CNTNAP2: variants seen among roughly 807,000 people sequenced by gnomAD.
The protein encoded by CNTNAP2 is contactin associated protein 2, also known as contactin-associated protein-like 2.
Under a neutral mutation model 155.2 loss-of-function variants are expected in CNTNAP2, and 98 were observed. That is an observed-to-expected ratio of 0.63 (90% CI 0.54 to 0.75). The LOEUF (loss-of-function observed/expected upper bound fraction) is 0.75, where lower values mean the gene tolerates loss of function less well. CNTNAP2 is among the 30% of genes least tolerant of loss of function. The probability of loss-of-function intolerance (pLI) is 0.00; values close to 1 mark genes in which losing one functional copy is unlikely to be tolerated. For missense variants in CNTNAP2, 1,727 were observed against 1,688.1 expected (o/e 1.02, Z -0.40); for synonymous variants, 651 against 631.2 (o/e 1.03, Z -0.47).
At chr7:147,418,280 C>G (rs576683632) in intron 10 of CNTNAP2, among the ~76,000 whole-genome samples, 2 of 152,246 alleles carry the variant, frequency 1.3e-5, no homozygotes, top group East Asian at 3.9e-4. Context: ...TTTTACTGAG[C>G]AGGTGGTTCC....
intron 1 of CNTNAP2, among the ~76,000 whole-genome samples, chr7:146,613,474 A>C (rs1382862511): frequency 6.6e-6 from 1 of 152,240 alleles, no homozygotes. Flanking sequence ...AATTCAATTA[A>C]CATGTGTTCT....
chr7:147,943,935 A>T (rs774950401), intron 14 of CNTNAP2, among the ~76,000 whole-genome samples: 1 of 152,168 alleles, frequency 6.6e-6, no homozygotes, highest in African/African-American at 2.4e-5. Flanking sequence ...CAGCAGTTCA[A>T]TAAGTGGAAG....
At chr7:146,721,391 CTATATACATTCTATATATATTCTA>C (rs1563203511) in intron 1 of CNTNAP2, among the ~76,000 whole-genome samples, 69 of 118,740 alleles carry the variant, frequency 5.8e-4, no homozygotes, top group East Asian at 1.2e-3. Flanking sequence ...TATATACATT[CTATATACATTCTATATATATTCTA>C]TATATACATT....
intron 1 of CNTNAP2, among the ~76,000 whole-genome samples, chr7:146,355,084 A>G (rs1332536385): frequency 6.6e-6 from 1 of 152,148 alleles, no homozygotes; most frequent in African/African-American, 2.4e-5. Flanking sequence ...TAAGGTAAAA[A>G]TGGGTTTGTA....
At chr7:147,543,708 T>C (rs569497893) in intron 11 of CNTNAP2, among the ~76,000 whole-genome samples, 1 of 152,316 alleles carries the variant, frequency 6.6e-6, no homozygotes, top group African/African-American at 2.4e-5. Context: ...ATTGACAGAA[T>C]TTATATGAAG....
intron 21 of CNTNAP2, among the ~76,000 whole-genome samples, chr7:148,343,706 C>A (rs771526798): frequency 6.6e-6 from 1 of 152,028 alleles, no homozygotes; most frequent in African/African-American, 2.4e-5. Context: ...AAGTAGTTTC[C>A]AAGAAAAGCG....
intron 17 of CNTNAP2, among the ~76,000 whole-genome samples, chr7:148,163,525 A>G (rs1156824168): frequency 6.6e-6 from 1 of 152,126 alleles, no homozygotes; most frequent in Non-Finnish European, 1.5e-5. Flanking sequence ...TTCAGTCTCT[A>G]TTTTGAAGCT....
intron 16 of CNTNAP2, among the ~76,000 whole-genome samples, chr7:148,144,388 G>A (rs1805135479): frequency 6.6e-6 from 1 of 152,206 alleles, no homozygotes; most frequent in Non-Finnish European, 1.5e-5. Flanking sequence ...TGCATGTGCA[G>A]CATCCACCTG....
chr7:147,759,094 T>C (rs1797260387), intron 13 of CNTNAP2, among the ~76,000 whole-genome samples: 1 of 152,180 alleles, frequency 6.6e-6, no homozygotes, highest in Non-Finnish European at 1.5e-5. Context: ...TTATTGTTTT[T>C]CTTTGACATT....
At chr7:147,730,646 C>A (rs1796723080) in intron 13 of CNTNAP2, among the ~76,000 whole-genome samples, 1 of 151,912 alleles carries the variant, frequency 6.6e-6, no homozygotes, top group Non-Finnish European at 1.5e-5. Flanking sequence ...TGAACTTAGG[C>A]CAGTTAATGA....
intron 4 of CNTNAP2, among the ~76,000 whole-genome samples, chr7:147,070,939 G>A (rs1799878586): frequency 6.6e-6 from 1 of 150,842 alleles, no homozygotes; most frequent in Non-Finnish European, 1.5e-5. Flanking sequence ...CACTGGCAGT[G>A]TGTGTGTGTG....
chr7:147,938,218 T>C (rs1410768684), intron 14 of CNTNAP2, among the ~76,000 whole-genome samples: 2 of 152,090 alleles, frequency 1.3e-5, no homozygotes, highest in Non-Finnish European at 2.9e-5. Flanking sequence ...AAAATTTGGG[T>C]CAACTCTCAG....
intron 14 of CNTNAP2, among the ~76,000 whole-genome samples, chr7:147,935,269 G>C (rs186721368): frequency 6.6e-5 from 10 of 152,102 alleles, no homozygotes; most frequent in Non-Finnish European, 8.8e-5. Context: ...TGGGATTACA[G>C]GCACACGTCA....
intron 1 of CNTNAP2, among the ~76,000 whole-genome samples, chr7:146,721,872 T>A: frequency 3.0e-5 from 3 of 98,492 alleles, no homozygotes; most frequent in African/African-American, 2.8e-4. Context: ...TGTGTGTGTG[T>A]GTGTATATAT....
chr7:147,511,630 AAG>A (rs1799024143), intron 11 of CNTNAP2, among the ~76,000 whole-genome samples: 1 of 152,060 alleles, frequency 6.6e-6, no homozygotes, highest in Non-Finnish European at 1.5e-5. Context: ...ATCAGCAAGA[AAG>A]AGAGAAAGGA....
At chr7:146,538,855 T>G (rs976946355) in intron 1 of CNTNAP2, among the ~76,000 whole-genome samples, 1 of 151,860 alleles carries the variant, frequency 6.6e-6, no homozygotes, top group Non-Finnish European at 1.5e-5. Flanking sequence ...TCATAAAAAT[T>G]TATTATAAAA....
intron 21 of CNTNAP2, among the ~76,000 whole-genome samples, chr7:148,370,950 G>A (rs71532728): frequency 0.077 from 11,639 of 152,092 alleles, 678 homozygotes; most frequent in East Asian, 0.25. Flanking sequence ...ACATGACACC[G>A]TCTCAAGCAT....
At chr7:147,729,598 G>GAAAAAA (rs1796706491) in intron 13 of CNTNAP2, among the ~76,000 whole-genome samples, 1 of 151,924 alleles carries the variant, frequency 6.6e-6, no homozygotes, top group Non-Finnish European at 1.5e-5. Context: ...AAAAGAAAAA[G>GAAAAAA]AAAAACTGTG....
At chr7:147,382,133 T>C (rs1250692928) in intron 9 of CNTNAP2, among the ~76,000 whole-genome samples, 1 of 152,144 alleles carries the variant, frequency 6.6e-6, no homozygotes, top group East Asian at 1.9e-4. Flanking sequence ...TACAAACATA[T>C]TTTGCATTTG....
Sources: gnomAD v4.1 joint callset for allele counts (sites outside exome capture counted in the v4.1 genomes callset) on GRCh38, gnomAD v4.1.1 for gene constraint, MANE v1.5 for transcripts, NCBI Gene and HGNC (gene_info 2026-07-23, HGNC 2026-07-21) for gene names.